The following POU6F2 variants were observed in gnomAD, a reference collection of about 807,000 sequenced individuals.
The protein encoded by POU6F2 is POU class 6 homeobox 2, also known as POU domain, class 6, transcription factor 2.
In POU6F2, 31 loss-of-function variants were observed where a neutral mutation model predicts 71.3. The ratio of observed to expected loss-of-function variants is 0.43; its 90% CI spans 0.33 to 0.59. POU6F2 has a LOEUF of 0.59. Ranked by LOEUF, POU6F2 falls within the 20% of genes least tolerant of loss-of-function variation. The pLI, the probability that POU6F2 is intolerant of heterozygous loss-of-function variation, is 0.04. For missense variants in POU6F2, 783 were observed against 856.8 expected, an observed-to-expected ratio of 0.91 and a Z score of 1.07; for synonymous variants, 347 against 355.7, an observed-to-expected ratio of 0.98 and a Z score of 0.27.
Position 39,451,519 on chromosome 7 carries a change from A to G in POU6F2, c.1321-14A>G. On this transcript the variant is annotated splice_polypyrimidine_tract_variant and intron_variant, in intron 7 of 9. Transcript: ENST00000518318. ...TCATTCATTTGTGTATTTTTTTTAC[A>G]TCCCCTCATGTAGCTCCACCAACCC... is the stretch of plus-strand genomic sequence containing the variant. The G allele has an allele frequency of 6.3e-7, 1 of 1,589,680 alleles. No homozygotes were observed. The highest frequency in any genetic ancestry group is 2.3e-5 in the East Asian group (1 of 44,410).
chr7:39,078,759 T>G (rs559301006), intron 1 of POU6F2, among the ~76,000 whole-genome samples: 1 of 152,282 alleles, frequency 6.6e-6, no homozygotes, highest in South Asian at 2.1e-4. Context: ...GATATGACCT[T>G]GAGAGAGGCA....
chr7:39,387,337 T>A (rs1786967600), intron 5 of POU6F2, among the ~76,000 whole-genome samples: 1 of 152,226 alleles, frequency 6.6e-6, no homozygotes, highest in Non-Finnish European at 1.5e-5. Context: ...TCCTAAGAGT[T>A]TTTTGTCTAA....
intron 4 of POU6F2, among the ~76,000 whole-genome samples, chr7:39,303,369 A>G (rs6462906): frequency 0.84 from 128,473 of 152,098 alleles, 54,695 homozygotes; most frequent in African/African-American, 0.96. Context: ...GGATGGTCTC[A>G]ATCTCCTGAC....
chr7:39,017,590 A>G lies in POU6F2; in HGVS notation c.105+39532A>G, dbSNP rs185063092. On this transcript the variant is annotated intron_variant, in intron 1 of 9. Coordinates refer to ENST00000518318, the MANE Select transcript of POU6F2 (RefSeq NM_001370959.1). ...GGAGTCACTCCGTAGAGCTGCTTCT[A>G]AGTGAACTTCCCCACCTCTCTGCCT... Among the ~76,000 whole-genome samples the G allele has an allele frequency of 1.9e-3, 288 of 152,188 alleles. 2 individuals are homozygous for G. The South Asian group carries it at 0.02, about 10-fold the overall frequency.
chr7:39,058,767 G>A (rs990096595), intron 1 of POU6F2, among the ~76,000 whole-genome samples: 1 of 152,116 alleles, frequency 6.6e-6, no homozygotes, highest in Non-Finnish European at 1.5e-5. Context: ...TATTGGAAAT[G>A]TTCATTAACA....
intron 1 of POU6F2, among the ~76,000 whole-genome samples, chr7:39,028,852 C>A (rs148558047): frequency 1.9e-4 from 29 of 152,174 alleles, no homozygotes; most frequent in African/African-American, 6.3e-4. Flanking sequence ...GCCACCCAGG[C>A]TGTAGTGTAC....
At chr7:39,110,248 G>A (rs1169012633) in intron 2 of POU6F2, among the ~76,000 whole-genome samples, 1 of 135,126 alleles carries the variant, frequency 7.4e-6, no homozygotes, top group African/African-American at 2.8e-5. Context: ...TCCAGGCTGG[G>A]ACAGAGCGAA....
chr7:39,130,147 G>GGTGTGTGT (rs10600961), intron 2 of POU6F2, among the ~76,000 whole-genome samples: 3 of 143,332 alleles, frequency 2.1e-5, no homozygotes, highest in African/African-American at 7.8e-5. Context: ...GAAAGGGGTA[G>GGTGTGTGT]GTGTGTGTGT....
At chr7:39,368,995 A>C (rs568521102) in intron 5 of POU6F2, among the ~76,000 whole-genome samples, 4 of 152,332 alleles carry the variant, frequency 2.6e-5, no homozygotes, top group African/African-American at 9.6e-5. Context: ...TGAAGCCTAA[A>C]GATGTGACAG....
chr7:39,454,700 ATATATATATATATATATATATATAT>A, intron 8 of POU6F2, among the ~76,000 whole-genome samples: 1 of 61,578 alleles, frequency 1.6e-5, no homozygotes, highest in Non-Finnish European at 3.6e-5. Flanking sequence ...ATATATATAT[ATATATATATATATATATATATATAT>A]ATAAAATAAG....
rs114407127 is a variant in POU6F2 at position 39,040,900 on chromosome 7, C to T, written c.106-44960C>T. ...AAACTCACACAAACGCATACACTTTCGCATACTTACATACTCAAACACATA... is the reference window on the plus strand; with the variant it reads ...AAACTCACACAAACGCATACACTTTTGCATACTTACATACTCAAACACATA... On this transcript the variant is annotated intron_variant, in intron 1 of 9. Coordinates refer to ENST00000518318, the MANE Select transcript of POU6F2 (RefSeq NM_001370959.1). 7.2e-3 allele frequency among the ~76,000 whole-genome samples: 1,088 copies of T among 151,986 alleles called. 14 individuals are homozygous for T. Among genetic ancestry groups the T allele is most frequent in the African/African-American group, 0.025 (1,050 of 41,478 alleles).
At chr7:39,007,647 G>T (rs1292631749) in intron 1 of POU6F2, among the ~76,000 whole-genome samples, 1 of 152,072 alleles carries the variant, frequency 6.6e-6, no homozygotes, top group Non-Finnish European at 1.5e-5. Context: ...TCTAGCATTA[G>T]GTATATACCC....
intron 7 of POU6F2, among the ~76,000 whole-genome samples, chr7:39,440,947 C>G (rs1788388755): frequency 6.6e-6 from 1 of 152,130 alleles, no homozygotes; most frequent in Non-Finnish European, 1.5e-5. Flanking sequence ...TCAAGTCCCT[C>G]TTCTGTAGGG....
intron 2 of POU6F2, among the ~76,000 whole-genome samples, chr7:39,101,504 C>A (rs1287315141): frequency 6.8e-6 from 1 of 146,898 alleles, no homozygotes; most frequent in Non-Finnish European, 1.5e-5. Context: ...GTTCAAACAT[C>A]TTCCTTCCTT....
chr7:39,266,659 T>C (rs948498418), intron 4 of POU6F2, among the ~76,000 whole-genome samples: 9 of 150,778 alleles, frequency 6.0e-5, no homozygotes, highest in Non-Finnish European at 1.3e-4. Flanking sequence ...GCCTCTTGAG[T>C]TGATGAGATT....
At chr7:39,244,464 A>G (rs183209883) in intron 4 of POU6F2, among the ~76,000 whole-genome samples, 1 of 152,282 alleles carries the variant, frequency 6.6e-6, no homozygotes, top group Non-Finnish European at 1.5e-5. Context: ...GAATAAGAAT[A>G]TTTATGTTTA....
At chr7:39,425,054 C>T (rs17769600) in intron 6 of POU6F2, among the ~76,000 whole-genome samples, 45,276 of 151,896 alleles carry the variant, frequency 0.3, 7,187 homozygotes, top group East Asian at 0.55. Flanking sequence ...CTTTCCTCTA[C>T]GAGGTTTGCT....
intron 2 of POU6F2, among the ~76,000 whole-genome samples, chr7:39,091,635 T>C (rs1791364511): frequency 6.6e-6 from 1 of 152,204 alleles, no homozygotes; most frequent in Admixed American, 6.5e-5. Context: ...ACAGTGTTTT[T>C]GTAGTTCACC....
intron 1 of POU6F2, among the ~76,000 whole-genome samples, chr7:39,002,372 G>T (rs1035812797): frequency 1.7e-4 from 25 of 147,784 alleles, no homozygotes; most frequent in Admixed American, 6.1e-4. Context: ...TTTCGAGACA[G>T]GGTCTCACTC....
Sources: gnomAD v4.1 joint callset for allele counts (sites outside exome capture counted in the v4.1 genomes callset) on GRCh38, gnomAD v4.1.1 for gene constraint, MANE v1.5 for transcripts, NCBI Gene and HGNC (gene_info 2026-07-23, HGNC 2026-07-21) for gene names.